Variants in ASIC2 observed in about 807,000 individuals in gnomAD.
The protein encoded by ASIC2 is acid-sensing ion channel 2.
ASIC2 carries 25 observed loss-of-function variants against 57.3 expected under a neutral mutation model. The observed-to-expected ratio is 0.44, with a 90% CI of 0.32 to 0.61. ASIC2 has a LOEUF of 0.61. Among genes scored for constraint, ASIC2 ranks in the 20% least tolerant of loss-of-function variants. The probability of loss-of-function intolerance (pLI) is 0.06; values close to 1 mark genes in which losing one functional copy is unlikely to be tolerated. For synonymous variants in ASIC2, 319 were observed against 307.5 expected (o/e 1.04, Z -0.39); for missense variants, 641 against 738.1 (o/e 0.87, Z 1.52).
intron 1 of ASIC2, among the ~76,000 whole-genome samples, chr17:33,163,680 TAAG>T (rs1905225581): frequency 6.6e-6 from 1 of 152,104 alleles, no homozygotes; most frequent in African/African-American, 2.4e-5. Context: ...AAAACAGATG[TAAG>T]AATGTGGATC....
chr17:33,197,091 T>C (rs529268630), intron 1 of ASIC2, among the ~76,000 whole-genome samples: 1 of 152,332 alleles, frequency 6.6e-6, no homozygotes, highest in East Asian at 1.9e-4. Flanking sequence ...AGCCTCAGTT[T>C]CCTCATCTAT....
At chr17:33,325,617 C>T (rs1010050067) in intron 1 of ASIC2, among the ~76,000 whole-genome samples, 9 of 152,026 alleles carry the variant, frequency 5.9e-5, no homozygotes, top group Admixed American at 2.0e-4. Context: ...TGATGGGTGG[C>T]GATTTAACTA....
rs755821121 is a variant in ASIC2 at position 33,013,989 on chromosome 17, C to T, written c.1668G>A (p.Gly556=). The change falls in exon 10 of 10, where the codon GGG becomes GGA. Residue 556 remains glycine, a synonymous_variant. Coordinates refer to ENST00000225823, the MANE Select transcript of ASIC2 (RefSeq NM_183377.2). ...GTCAGCAGGCAATCTCCTCCAAGGT[C>T]CCCAGGGTCGTCTGCAGGGGCACGT... ...TVNVPLQTTL[G]TLEEIAC is the part of the protein sequence containing the mutation. 10 of 1,599,502 alleles carry T rather than the reference C, an allele frequency of 6.3e-6. No homozygotes were observed. The African/African-American group carries it at 1.3e-4, about 21-fold the overall frequency.
chr17:33,426,046 A>G (rs1356410953), intron 1 of ASIC2, among the ~76,000 whole-genome samples: 1 of 152,118 alleles, frequency 6.6e-6, no homozygotes, highest in Non-Finnish European at 1.5e-5. Context: ...GCATTCTTCA[A>G]CCTGCCACTC....
intron 1 of ASIC2, among the ~76,000 whole-genome samples, chr17:33,612,412 T>A (rs949227018): frequency 2.0e-5 from 3 of 152,010 alleles, no homozygotes; most frequent in African/African-American, 4.8e-5. Context: ...CAAAAGGGCG[T>A]TTTGGGGATC....
intron 1 of ASIC2, among the ~76,000 whole-genome samples, chr17:33,450,829 A>G (rs538464966): frequency 6.6e-6 from 1 of 152,214 alleles, no homozygotes; most frequent in Non-Finnish European, 1.5e-5. Flanking sequence ...TCCCTGGGCA[A>G]TCTCATCAGC....
At chr17:33,276,526 GGATTCTC>G (rs1904712409) in intron 1 of ASIC2, among the ~76,000 whole-genome samples, 1 of 152,134 alleles carries the variant, frequency 6.6e-6, no homozygotes, top group Non-Finnish European at 1.5e-5. Flanking sequence ...GGCTCTCCTT[GGATTCTC>G]ACCTGTCATT....
chr17:33,763,286 G>A (rs528929997), intron 1 of ASIC2, among the ~76,000 whole-genome samples: 1 of 152,278 alleles, frequency 6.6e-6, no homozygotes, highest in Non-Finnish European at 1.5e-5. Flanking sequence ...AATGAATGAA[G>A]AATGAGTGGA....
chr17:33,531,459 C>A (rs965495840), intron 1 of ASIC2, among the ~76,000 whole-genome samples: 15 of 152,176 alleles, frequency 9.9e-5, no homozygotes, highest in Non-Finnish European at 2.1e-4. Flanking sequence ...AGGCGTTCGA[C>A]CTTGCAGAGG....
intron 3 of ASIC2, among the ~76,000 whole-genome samples, chr17:33,034,800 C>T (rs2091902251): frequency 6.6e-6 from 1 of 152,186 alleles, no homozygotes; most frequent in African/African-American, 2.4e-5. Context: ...TTATGCTTAA[C>T]TGTGGCTTTC....
intron 1 of ASIC2, among the ~76,000 whole-genome samples, chr17:33,391,248 C>G (rs1909878320): frequency 6.6e-6 from 1 of 152,202 alleles, no homozygotes; most frequent in Admixed American, 6.5e-5. Flanking sequence ...ACCTAGAACT[C>G]AGGTCACCTG....
chr17:33,944,829 G>C (rs1916271356), intron 1 of ASIC2, among the ~76,000 whole-genome samples: 1 of 152,218 alleles, frequency 6.6e-6, no homozygotes, highest in African/African-American at 2.4e-5. Context: ...CTCCAGAAGA[G>C]TGTGATGGAG....
At chr17:33,324,433 C>G (rs543586011) in intron 1 of ASIC2, among the ~76,000 whole-genome samples, 1 of 152,252 alleles carries the variant, frequency 6.6e-6, no homozygotes, top group South Asian at 2.1e-4. Flanking sequence ...TGATTCACTC[C>G]TAACCCCATT....
intron 1 of ASIC2, among the ~76,000 whole-genome samples, chr17:34,057,664 G>A (rs544640852): frequency 2.2e-4 from 34 of 152,260 alleles, no homozygotes; most frequent in South Asian, 6.2e-4. Flanking sequence ...AAAAGAGGGC[G>A]AGGCACAGAG....
chr17:33,773,195 T>C (rs1911167868), intron 1 of ASIC2, among the ~76,000 whole-genome samples: 1 of 151,932 alleles, frequency 6.6e-6, no homozygotes, highest in South Asian at 2.1e-4. Flanking sequence ...TTTCAGAAAA[T>C]GACACTAAGA....
intron 1 of ASIC2, among the ~76,000 whole-genome samples, chr17:33,683,846 G>T (rs147751492): frequency 6.6e-6 from 1 of 152,074 alleles, no homozygotes; most frequent in African/African-American, 2.4e-5. Flanking sequence ...CAGTTACATC[G>T]GATTAGGAGC....
intron 1 of ASIC2, among the ~76,000 whole-genome samples, chr17:33,388,131 A>G (rs934182631): frequency 6.6e-6 from 1 of 152,044 alleles, no homozygotes; most frequent in Admixed American, 6.5e-5. Context: ...CAAAACAAAC[A>G]AATTAAAAAA....
intron 1 of ASIC2, among the ~76,000 whole-genome samples, chr17:33,412,016 C>CAAACAAAAAA (rs1405310673): frequency 4.6e-5 from 7 of 151,694 alleles, no homozygotes; most frequent in Non-Finnish European, 5.9e-5. Context: ...AAGAAAAATG[C>CAAACAAAAAA]AAACAAAACA....
intron 1 of ASIC2, among the ~76,000 whole-genome samples, chr17:33,223,164 T>C (rs1037826958): frequency 1.3e-5 from 2 of 152,146 alleles, no homozygotes; most frequent in African/African-American, 2.4e-5. Flanking sequence ...CCTTTTCTTT[T>C]TTTTTCTTTC....
Sources: allele counts gnomAD v4.1 joint callset (sites outside exome capture counted in the v4.1 genomes callset), GRCh38; gene constraint gnomAD v4.1.1; transcripts MANE v1.5; gene names NCBI Gene and HGNC (gene_info 2026-07-23, HGNC 2026-07-21).